Variants in SIAH2 observed in about 807,000 individuals in gnomAD.
SIAH2 encodes siah E3 ubiquitin protein ligase 2.
Under a neutral mutation model 20.4 loss-of-function variants are expected in SIAH2, and 4 were observed. That is an observed-to-expected ratio of 0.20 (90% CI 0.10 to 0.45). The LOEUF is 0.45. Among genes scored for constraint, SIAH2 ranks in the 20% least tolerant of loss-of-function variants. The probability of loss-of-function intolerance (pLI) is 0.99; values close to 1 mark genes in which losing one functional copy is unlikely to be tolerated. For synonymous variants in SIAH2, 171 were observed against 192.5 expected (o/e 0.89, Z 0.93); for missense variants, 259 against 440.3 (o/e 0.59, Z 3.69).
At position 150,762,666 on chromosome 3, in the gene SIAH2, C is replaced by T. The variant is rs773813358; in HGVS notation, c.184G>A (p.Gly62Ser). The change falls in exon 1 of 2, where the codon GGC becomes AGC. Residue 62 changes from glycine to serine, a missense_variant. Transcript: ENST00000312960. The surrounding 1 kb of genome is among the most constrained non-coding windows in gnomAD (Gnocchi z 6.6). Reference sequence around the variant, plus strand: ...TGCGGGGACACCGGGCCGGCCCCGCCGCCGCCGCCGGGGCCCGAGATCACC... The same window carrying T: ...TGCGGGGACACCGGGCCGGCCCCGCTGCCGCCGCCGGGGCCCGAGATCACC... ...AAVISGPGGG[G>S]GAGPVSPQHH... 2 of 1,454,686 alleles carry T rather than the reference C, an allele frequency of 1.4e-6. No individual in the cohort carries two copies. The highest frequency in any genetic ancestry group is 2.9e-5 in the East Asian group (1 of 33,984). The allele number at this position is 1,454,686 out of a possible 1,614,324, so 90.1% of individuals were successfully genotyped here. A position where few individuals can be genotyped will look rare whatever the true frequency, so the allele number is the denominator to read the frequency against.
At chr3:150,745,189 A>AT (rs374648749) in intron 1 of SIAH2, among the ~76,000 whole-genome samples, 1 of 151,888 alleles carries the variant, frequency 6.6e-6, no homozygotes, top group African/African-American at 2.4e-5. Context: ...TCATGTCTTC[A>AT]TAACAACTGG....
At chr3:150,744,013 TAAA>T (rs112528632) in intron 1 of SIAH2, among the ~76,000 whole-genome samples, 2 of 134,496 alleles carry the variant, frequency 1.5e-5, no homozygotes, top group Admixed American at 7.5e-5. Flanking sequence ...GTCCAGTTGC[TAAA>T]AAAAAAAAAA....
Position 150,741,960 on chromosome 3 carries a change from A to G in SIAH2, c.*181T>C, listed in dbSNP as rs1019005886. The G allele has an allele frequency of 2.4e-5, 15 of 624,310 alleles. No homozygotes were observed. The highest frequency in any genetic ancestry group is 4.3e-5 in the Non-Finnish European group (15 of 352,656). The allele number at this position is 624,310 out of a possible 1,614,324, so 38.7% of individuals were successfully genotyped here. ...TCCAAATCACCAACAGGCCAACCCC[A>G]TTCATCCCAGGTTAATGAACTTTGT... is the stretch of plus-strand genomic sequence containing the variant. On this transcript the variant is annotated 3_prime_UTR_variant, in exon 2 of 2. Coordinates refer to ENST00000312960, the MANE Select transcript of SIAH2 (RefSeq NM_005067.7).
Position 150,742,077 on chromosome 3 carries a change from T to C in SIAH2, c.*64A>G. ...GAAGACATATGGAATAAAACATCTA[T>C]AAAAACCTTTATTAAACATAGAGCA... On this transcript the variant is annotated 3_prime_UTR_variant, in exon 2 of 2. Transcript: ENST00000312960. This position sits in a 1 kb window ranked among gnomAD's most constrained non-coding sequence, Gnocchi z 4.8. The C allele has an allele frequency of 6.9e-7, 1 of 1,439,286 alleles. No individual in the cohort carries two copies. The highest frequency in any genetic ancestry group is 9.5e-7 in the Non-Finnish European group (1 of 1,057,222). The allele number at this position is 1,439,286 out of a possible 1,614,324, so 89.2% of individuals were successfully genotyped here.
chr3:150,758,793 A>T (rs892677643), intron 1 of SIAH2, among the ~76,000 whole-genome samples: 2 of 149,588 alleles, frequency 1.3e-5, no homozygotes, highest in African/African-American at 5.0e-5. Context: ...CCCAGGCTGG[A>T]ATGCAATGAC....
chr3:150,761,544 C>T (rs1714609497), intron 1 of SIAH2, among the ~76,000 whole-genome samples: 1 of 152,166 alleles, frequency 6.6e-6, no homozygotes, highest in Non-Finnish European at 1.5e-5. Flanking sequence ...CCCTGACATA[C>T]ACTGACATCT....
At chr3:150,746,129 C>T (rs1714206784) in intron 1 of SIAH2, among the ~76,000 whole-genome samples, 2 of 152,120 alleles carry the variant, frequency 1.3e-5, no homozygotes. Flanking sequence ...GCGCGCTGCT[C>T]ACACCTGTAA....
rs548345307 is a variant in SIAH2 at position 150,762,289 on chromosome 3, G to A, written c.417+144C>T. The A allele has an allele frequency of 1.4e-3, 1,975 of 1,444,082 alleles. 2 individuals are homozygous for A. The highest frequency in any genetic ancestry group is 1.7e-3 in the Non-Finnish European group (1,822 of 1,101,900). 89.5% of individuals were successfully genotyped at this position (1,444,082 alleles called of 1,614,324 possible). A position where few individuals can be genotyped will look rare whatever the true frequency, so the allele number is the denominator to read the frequency against. ...ACCTACACCCAAAGTGGGCTTGAGGGAGGGTGGACGAAGTGTAAACATTTT... is the reference window on the plus strand; with the variant it reads ...ACCTACACCCAAAGTGGGCTTGAGGAAGGGTGGACGAAGTGTAAACATTTT... On this transcript the variant is annotated intron_variant, in intron 1 of 1. Coordinates refer to ENST00000312960, the MANE Select transcript of SIAH2 (RefSeq NM_005067.7). The surrounding 1 kb of genome is among the most constrained non-coding windows in gnomAD (Gnocchi z 6.6).
intron 1 of SIAH2, among the ~76,000 whole-genome samples, chr3:150,749,121 A>G (rs536631763): frequency 1.3e-5 from 2 of 152,228 alleles, no homozygotes; most frequent in Non-Finnish European, 2.9e-5. Flanking sequence ...CAAAAAGGAA[A>G]TAACTGGTGA....
rs1240864435 is a variant in SIAH2, at chr3:150,762,402, G to A, written c.417+31C>T. The A allele has an allele frequency of 6.3e-7, 1 of 1,589,540 alleles. No individual in the cohort carries two copies. ...GATACCGGAGTCCCTGAGGTCACCG[G>A]CGGAGGTACGTGGGCTGTCCCTGGG... On this transcript the variant is annotated intron_variant, in intron 1 of 1. Transcript: ENST00000312960. This position sits in a 1 kb window ranked among gnomAD's most constrained non-coding sequence, Gnocchi z 6.6.
At chr3:150,750,584 AT>A (rs953964137) in intron 1 of SIAH2, among the ~76,000 whole-genome samples, 24 of 149,216 alleles carry the variant, frequency 1.6e-4, no homozygotes, top group African/African-American at 2.2e-4. Context: ...AGATTTAAAA[AT>A]TTTTTTTTTT....
intron 1 of SIAH2, among the ~76,000 whole-genome samples, chr3:150,746,483 C>T (rs1405330512): frequency 1.3e-5 from 2 of 152,118 alleles, no homozygotes; most frequent in Non-Finnish European, 1.5e-5. Flanking sequence ...TTGAGTTTCT[C>T]GACAGTGGTG....
At chr3:150,748,468 C>G (rs1228034479) in intron 1 of SIAH2, among the ~76,000 whole-genome samples, 1 of 152,212 alleles carries the variant, frequency 6.6e-6, no homozygotes, top group East Asian at 1.9e-4. Context: ...TTAATTAAAT[C>G]TGATTCCATG....
chr3:150,747,135 G>GCCA (rs1410347635), intron 1 of SIAH2, among the ~76,000 whole-genome samples: 3 of 152,172 alleles, frequency 2.0e-5, no homozygotes, highest in Admixed American at 2.0e-4. Context: ...TTCACCCCTG[G>GCCA]CCACCAACCC....
At chr3:150,760,053 C>T (rs894260562) in intron 1 of SIAH2, among the ~76,000 whole-genome samples, 1 of 152,202 alleles carries the variant, frequency 6.6e-6, no homozygotes, top group African/African-American at 2.4e-5. Context: ...GCTAGGTAAA[C>T]AGATCTGCCT....
intron 1 of SIAH2, among the ~76,000 whole-genome samples, chr3:150,761,652 T>C (rs1425919652): frequency 2.6e-5 from 4 of 152,182 alleles, no homozygotes; most frequent in Admixed American, 2.6e-4. Flanking sequence ...GAGATCTTGG[T>C]CTTTCATTTT....
In SIAH2 at chr3:150,762,756, G is replaced by GCGCAGCCGGGGA. The variant is rs1714653615; in HGVS notation, c.82_93dup (p.Ser28_Ala31dup). On this transcript the variant is annotated inframe_insertion, in exon 1 of 2. Transcript: ENST00000312960. This position sits in a 1 kb window ranked among gnomAD's most constrained non-coding sequence, Gnocchi z 6.6. ...GCCGAGATGGTGGCGGCGGCCGGGG[G>GCGCAGCCGGGGA]CGCAGCCGGGGACGGAGTGTGCTGG... 4.2e-6 allele frequency: 5 copies of GCGCAGCCGGGGA among 1,187,412 alleles called. No individual in the cohort carries two copies. The highest frequency in any genetic ancestry group is 4.1e-5 in the East Asian group (1 of 24,686). 73.6% of individuals were successfully genotyped at this position (1,187,412 alleles called of 1,614,324 possible). A position where few individuals can be genotyped will look rare whatever the true frequency, so the allele number is the denominator to read the frequency against.
chr3:150,760,694 C>A (rs1366022220), intron 1 of SIAH2, among the ~76,000 whole-genome samples: 1 of 152,224 alleles, frequency 6.6e-6, no homozygotes, highest in African/African-American at 2.4e-5. Context: ...AAAGCCATTT[C>A]TTTTGTTAGC....
chr3:150,742,028 G>T lies in SIAH2; in HGVS notation c.*113C>A. The T allele has an allele frequency of 1.9e-6, 2 of 1,030,614 alleles. No individual in the cohort carries two copies. Among genetic ancestry groups the T allele is most frequent in the Non-Finnish European group, 1.4e-6 (1 of 710,618 alleles). The allele number at this position is 1,030,614 out of a possible 1,614,324, so 63.8% of individuals were successfully genotyped here. On this transcript the variant is annotated 3_prime_UTR_variant, in exon 2 of 2. Coordinates refer to ENST00000312960, the MANE Select transcript of SIAH2 (RefSeq NM_005067.7). The surrounding 1 kb of genome is among the most constrained non-coding windows in gnomAD (Gnocchi z 4.8). Reference sequence around the variant, plus strand: ...GGACACTGCTGTTCAAACAAAACACGGGTAATTGTGGGTCCTGACTTGTGA... The same window carrying T: ...GGACACTGCTGTTCAAACAAAACACTGGTAATTGTGGGTCCTGACTTGTGA...
Sources: allele counts gnomAD v4.1 joint callset (sites outside exome capture counted in the v4.1 genomes callset), GRCh38; gene constraint gnomAD v4.1.1; non-coding constraint Gnocchi (gnomAD v3.1); transcripts MANE v1.5; gene names NCBI Gene and HGNC (gene_info 2026-07-23, HGNC 2026-07-21).